The following CPNE4 variants were observed in gnomAD, a reference collection of about 807,000 sequenced individuals.
The protein encoded by CPNE4 is copine 4.
A neutral mutation model predicts 67.9 loss-of-function variants in CPNE4; 25 were observed. That is an observed-to-expected ratio of 0.37 (90% CI 0.27 to 0.51). The LOEUF (loss-of-function observed/expected upper bound fraction) is 0.51, where lower values mean the gene tolerates loss of function less well. Ranked by LOEUF, CPNE4 falls within the 20% of genes least tolerant of loss-of-function variation. The pLI is 0.93. For synonymous variants in CPNE4, 242 were observed against 244.9 expected (o/e 0.99, Z 0.11); for missense variants, 464 against 690.8 (o/e 0.67, Z 3.68).
At chr3:131,732,355 A>G (rs2082147515) in intron 2 of CPNE4, among the ~76,000 whole-genome samples, 1 of 152,210 alleles carries the variant, frequency 6.6e-6, no homozygotes, top group Admixed American at 6.5e-5. Context: ...GTTAGTGAAT[A>G]TGGTATCCAT....
intron 15 of CPNE4, 41 bp from the exon 16 acceptor site, chr3:131,535,370 C>T (rs748447091): frequency 1.3e-6 from 2 of 1,589,612 alleles, no homozygotes; most frequent in Admixed American, 1.8e-5. Flanking sequence ...GGCTTCTGGT[C>T]AAGGAATCAG....
chr3:131,764,864 C>T (rs1441795612), intron 2 of CPNE4, among the ~76,000 whole-genome samples: 2 of 152,108 alleles, frequency 1.3e-5, no homozygotes, highest in East Asian at 1.9e-4. Flanking sequence ...AGTGACTAGA[C>T]ACATTGAAGA....
chr3:131,736,244 T>C (rs1015684118), intron 2 of CPNE4, among the ~76,000 whole-genome samples: 1 of 152,184 alleles, frequency 6.6e-6, no homozygotes, highest in African/African-American at 2.4e-5. Flanking sequence ...TTTTCATATA[T>C]ATCACTTTTT....
intron 7 of CPNE4, among the ~76,000 whole-genome samples, chr3:131,596,112 TTAAG>T (rs1364988529): frequency 6.6e-6 from 1 of 152,170 alleles, no homozygotes; most frequent in Non-Finnish European, 1.5e-5. Flanking sequence ...TCACAATTTG[TTAAG>T]TGAGTAGATC....
At chr3:131,953,248 A>AAAAAAT (rs1560669106) in intron 1 of CPNE4, among the ~76,000 whole-genome samples, 1 of 142,392 alleles carries the variant, frequency 7.0e-6, no homozygotes, top group African/African-American at 2.5e-5. Flanking sequence ...TTAAAAAAAA[A>AAAAAAT]AAAAAAAAAA....
chr3:131,828,098 C>G (rs759034937), intron 2 of CPNE4, among the ~76,000 whole-genome samples: 1 of 150,870 alleles, frequency 6.6e-6, no homozygotes, highest in African/African-American at 2.5e-5. Flanking sequence ...GCCACTATAA[C>G]ATTGTATTGC....
At chr3:131,865,082 C>G (rs563944525) in intron 2 of CPNE4, among the ~76,000 whole-genome samples, 1 of 151,986 alleles carries the variant, frequency 6.6e-6, no homozygotes, top group Non-Finnish European at 1.5e-5. Flanking sequence ...ATAAGCTTTT[C>G]GATGTGCTGC....
chr3:131,649,293 T>A (rs140382595), intron 7 of CPNE4, among the ~76,000 whole-genome samples: 36 of 152,302 alleles, frequency 2.4e-4, no homozygotes, highest in African/African-American at 7.9e-4. Context: ...CGTGTGTAAG[T>A]AACAATGGAA....
intron 2 of CPNE4, among the ~76,000 whole-genome samples, chr3:131,799,287 A>C (rs547898077): frequency 1.4e-4 from 21 of 152,270 alleles, no homozygotes; most frequent in African/African-American, 3.8e-4. Context: ...GACCAAGGCA[A>C]GGAACAGAGC....
intron 2 of CPNE4, among the ~76,000 whole-genome samples, chr3:131,743,591 CAA>C (rs1227537374): frequency 2.0e-5 from 3 of 151,926 alleles, no homozygotes; most frequent in South Asian, 2.1e-4. Flanking sequence ...TCCAGTGATG[CAA>C]AGAGAGTTAA....
At chr3:131,680,210 G>A (rs1245373405) in intron 6 of CPNE4, among the ~76,000 whole-genome samples, 4 of 148,306 alleles carry the variant, frequency 2.7e-5, no homozygotes, top group African/African-American at 9.9e-5. Flanking sequence ...GATCTTTGTT[G>A]GTTTAAAGTC....
At chr3:131,959,503 T>A (rs2072102870) in intron 1 of CPNE4, among the ~76,000 whole-genome samples, 1 of 152,300 alleles carries the variant, frequency 6.6e-6, no homozygotes, top group Non-Finnish European at 1.5e-5. Flanking sequence ...GACAGAATGC[T>A]ACAGATAGCA....
chr3:131,868,503 T>C (rs1015902926), intron 2 of CPNE4, among the ~76,000 whole-genome samples: 3 of 152,356 alleles, frequency 2.0e-5, no homozygotes, highest in Admixed American at 2.0e-4. Context: ...TAGCAGGCTC[T>C]GGAATTCTTT....
rs189726889 is a variant in CPNE4 at position 131,899,730 on chromosome 3, C to T, written c.180+5534G>A. Among the ~76,000 whole-genome samples, 16 of 152,210 alleles carry T rather than the reference C, an allele frequency of 1.1e-4. No individual in the cohort carries two copies. The East Asian group carries it at 3.1e-3, about 29-fold the overall frequency. On this transcript the variant is annotated intron_variant, in intron 2 of 15. Coordinates refer to ENST00000429747, the MANE Select transcript of CPNE4 (RefSeq NM_130808.3). ...CAGATTGATGGCTACTTTAATTCAT[C>T]ACATAAATGTTAATATTGCTTGTCC...
chr3:131,667,451 G>A (rs986485959), intron 7 of CPNE4, among the ~76,000 whole-genome samples: 1 of 151,746 alleles, frequency 6.6e-6, no homozygotes, highest in African/African-American at 2.4e-5. Context: ...AGCAGGGTGT[G>A]TGAGTGTGTA....
At chr3:131,778,775 T>C (rs542578296) in intron 2 of CPNE4, among the ~76,000 whole-genome samples, 6 of 152,140 alleles carry the variant, frequency 3.9e-5, no homozygotes, top group Non-Finnish European at 7.4e-5. Flanking sequence ...GTTACAGAAC[T>C]GTAGGGTAAT....
rs750798265 is a variant in CPNE4 at position 131,698,909 on chromosome 3, C to CAAAA, written c.432+996_432+999dup. Among the ~76,000 whole-genome samples the CAAAA allele has an allele frequency of 3.3e-3, 283 of 86,976 alleles. 2 individuals are homozygous for CAAAA. Among genetic ancestry groups the CAAAA allele is most frequent in the South Asian group, 5.2e-3 (12 of 2,318 alleles). 57.1% of individuals were successfully genotyped at this position (86,976 alleles called of 152,430 possible). On this transcript the variant is annotated intron_variant, in intron 4 of 15. Coordinates refer to ENST00000429747, the MANE Select transcript of CPNE4 (RefSeq NM_130808.3). ...TGGGTGACAGGCTGAGACACTGTCTCAAAAAAAAAAAAAAAAAAAAAAAAT... is the reference window on the plus strand; with the variant it reads ...TGGGTGACAGGCTGAGACACTGTCTCAAAAAAAAAAAAAAAAAAAAAAAAAAAAT...
intron 2 of CPNE4, among the ~76,000 whole-genome samples, chr3:131,844,493 C>A (rs922412573): frequency 2.0e-5 from 3 of 152,056 alleles, no homozygotes; most frequent in Non-Finnish European, 4.4e-5. Context: ...GCCTCGAACT[C>A]CTGACCTCAG....
chr3:132,026,166 CT>C (rs1197234725), intron 1 of CPNE4, among the ~76,000 whole-genome samples: 2 of 152,052 alleles, frequency 1.3e-5, no homozygotes, highest in African/African-American at 4.8e-5. Flanking sequence ...TAAAAGCATG[CT>C]TTGCCTGGAT....
Sources: allele counts gnomAD v4.1 joint callset (sites outside exome capture counted in the v4.1 genomes callset), GRCh38; gene constraint gnomAD v4.1.1; transcripts MANE v1.5; gene names NCBI Gene and HGNC (gene_info 2026-07-23, HGNC 2026-07-21).